The following ZC3H11A variants were observed in gnomAD, a reference collection of about 807,000 sequenced individuals.
ZC3H11A encodes the protein zinc finger CCCH domain-containing protein 11A.
In ZC3H11A, 22 loss-of-function variants were observed where a neutral mutation model predicts 90.8. That is an observed-to-expected ratio of 0.24 (90% CI 0.17 to 0.35). The LOEUF is 0.35. Among genes scored for constraint, ZC3H11A ranks in the 10% least tolerant of loss-of-function variants. ZC3H11A has a pLI of 1.00. For synonymous variants in ZC3H11A, 294 were observed against 339.8 expected (o/e 0.87, Z 1.48); for missense variants, 701 against 964.9 (o/e 0.73, Z 3.62).
At chr1:203,851,195 A>T in intron 17 of ZC3H11A, 71 bp downstream of exon 17, 1 of 1,338,290 alleles carries the variant, frequency 7.5e-7, no homozygotes, top group South Asian at 1.3e-5. Context: ...AGAGAATAAC[A>T]CTGATAAATA....
At chr1:203,826,325 A>C (rs34289296) in intron 4 of ZC3H11A, among the ~76,000 whole-genome samples, 16,779 of 151,298 alleles carry the variant, frequency 0.11, 1,167 homozygotes, top group Non-Finnish European at 0.15. Flanking sequence ...AAAATATTAT[A>C]CTTTTAGAAA....
chr1:203,837,290 C>A (rs368762388), intron 10 of ZC3H11A, among the ~76,000 whole-genome samples: 237 of 141,352 alleles, frequency 1.7e-3, no homozygotes, highest in Admixed American at 1.6e-3. Context: ...GATCCTGTCT[C>A]AAAAAAAAAA....
rs1039396945 is a variant in ZC3H11A at position 203,852,460 on chromosome 1, A to G, written c.*61A>G. 7 of 1,568,950 alleles carry G rather than the reference A, an allele frequency of 4.5e-6. No individual in the cohort carries two copies. Among genetic ancestry groups the G allele is most frequent in the South Asian group, 1.2e-5 (1 of 85,376 alleles). ...CAAAAAACTGGACTTAGTTTCATCT[A>G]TTGTAACATTTACCTGAGATGATCA... is the stretch of plus-strand genomic sequence containing the variant. On this transcript the variant is annotated 3_prime_UTR_variant, in exon 18 of 18. Transcript: ENST00000367210.
intron 1 of ZC3H11A, chr1:203,796,417 A>G: frequency 2.5e-6 from 1 of 399,088 alleles, no homozygotes; most frequent in Non-Finnish European, 4.4e-6. Flanking sequence ...CGTCGGAGTC[A>G]AGAGCAACAG....
intron 4 of ZC3H11A, among the ~76,000 whole-genome samples, chr1:203,819,331 C>T (rs1677608070): frequency 6.6e-6 from 1 of 150,520 alleles, no homozygotes; most frequent in Non-Finnish European, 1.5e-5. Flanking sequence ...AAGCGATTCT[C>T]CTGCCTCAGC....
At chr1:203,844,099 T>G (rs562515388) in intron 12 of ZC3H11A, among the ~76,000 whole-genome samples, 1 of 152,294 alleles carries the variant, frequency 6.6e-6, no homozygotes, top group African/African-American at 2.4e-5. Flanking sequence ...TCAGATGATC[T>G]GCCCACTTTG....
Position 203,853,449 on chromosome 1 carries a change from GTTTTC to G in ZC3H11A, c.*1058_*1062del, listed in dbSNP as rs1405562687. On this transcript the variant is annotated 3_prime_UTR_variant, in exon 18 of 18. Transcript: ENST00000367210. ...CCAGTTTTCTTCATTTCTGAATTGA[GTTTTC>G]TTTTCTTGATGTTGGTTTCCTTCAT... 3 of 152,536 alleles carry G rather than the reference GTTTTC, an allele frequency of 2.0e-5. No homozygotes were observed. Among genetic ancestry groups the G allele is most frequent in the South Asian group, 2.1e-4 (1 of 4,814 alleles). 9.4% of individuals were successfully genotyped at this position (152,536 alleles called of 1,614,324 possible).
intron 1 of ZC3H11A, chr1:203,799,477 T>C: frequency 1.4e-6 from 1 of 703,028 alleles, no homozygotes; most frequent in Admixed American, 2.0e-5. Flanking sequence ...ATTTCTACTT[T>C]TTATATGTTA....
chr1:203,798,441 C>A (rs947435131), intron 1 of ZC3H11A: 2 of 1,535,720 alleles, frequency 1.3e-6, no homozygotes, highest in African/African-American at 2.7e-5. Context: ...TTCAACACTT[C>A]AACGACACCT....
At chr1:203,798,881 C>T (rs1384035836) in intron 1 of ZC3H11A, 1 of 1,535,974 alleles carries the variant, frequency 6.5e-7, no homozygotes, top group African/African-American at 1.4e-5. Context: ...CTTACTTTTT[C>T]ACTAAGGCTG....
intron 14 of ZC3H11A, among the ~76,000 whole-genome samples, chr1:203,848,702 A>ACT (rs1424442915): frequency 2.0e-5 from 3 of 152,222 alleles, no homozygotes; most frequent in Non-Finnish European, 4.4e-5. Flanking sequence ...CCTGGCTAAC[A>ACT]CGGTGAAACC....
intron 4 of ZC3H11A, among the ~76,000 whole-genome samples, chr1:203,819,233 T>A (rs193227535): frequency 0.011 from 1,618 of 150,844 alleles, 21 homozygotes; most frequent in Non-Finnish European, 0.017. Context: ...TTTATTTTTT[T>A]TTTTTTGAAA....
chr1:203,827,124 A>T (rs1428770630), intron 4 of ZC3H11A, among the ~76,000 whole-genome samples: 1 of 152,138 alleles, frequency 6.6e-6, no homozygotes, highest in Non-Finnish European at 1.5e-5. Flanking sequence ...GCAATGGTTT[A>T]TTCCTTCTCA....
rs3881954 is a variant in ZC3H11A at position 203,852,909 on chromosome 1, A to G, written c.*510A>G. On this transcript the variant is annotated 3_prime_UTR_variant, in exon 18 of 18. Transcript: ENST00000367210. ...TTGTATGTCTTTTTAAAGGTATTTA[A>G]AGATTCAACTAAGCTTTAAAGAGGG... 2,623 of 165,524 alleles carry G rather than the reference A, an allele frequency of 0.016. 69 individuals carry two copies. Among genetic ancestry groups the G allele is most frequent in the African/African-American group, 0.055 (2,260 of 41,444 alleles). The allele number at this position is 165,524 out of a possible 1,614,324, so 10.3% of individuals were successfully genotyped here. A position where few individuals can be genotyped will look rare whatever the true frequency, so the allele number is the denominator to read the frequency against.
At chr1:203,829,948 G>C in intron 7 of ZC3H11A, 52 bp downstream of exon 7, 1 of 1,522,752 alleles carries the variant, frequency 6.6e-7, no homozygotes, top group Non-Finnish European at 9.1e-7. Context: ...AACTACCTTT[G>C]AAATTTAGTT....
intron 16 of ZC3H11A, 84 bp downstream of exon 16, chr1:203,850,765 T>G (rs1689067613): frequency 6.6e-7 from 1 of 1,518,090 alleles, no homozygotes; most frequent in African/African-American, 1.4e-5. Context: ...CATTCTATCT[T>G]GAGTATATCA....
At position 203,847,247 on chromosome 1, in the gene ZC3H11A, C is replaced by T; in HGVS notation, c.1106C>T (p.Ala369Val). The T allele has an allele frequency of 1.9e-6, 3 of 1,613,690 alleles. No homozygotes were observed. Among genetic ancestry groups the T allele is most frequent in the Non-Finnish European group, 2.5e-6 (3 of 1,179,814 alleles). ...TTAGAAGAAATTCTTCTTGAAAGAGCCAGTCAGAAACGTGGAGAATTGCAA... is the reference window on the plus strand; with the variant it reads ...TTAGAAGAAATTCTTCTTGAAAGAGTCAGTCAGAAACGTGGAGAATTGCAA... The part of the protein sequence containing the change: ...KTLEEILLER[A>V]SQKRGELQTK... The change falls in exon 13 of 18, where the codon GCC becomes GTC. Residue 369 changes from alanine (A) to valine (V), a missense_variant. Ala to Val is a moderately conservative substitution (Grantham distance 64, BLOSUM62 0). Coordinates refer to ENST00000367210, the MANE Select transcript of ZC3H11A (RefSeq NM_001376342.1).
At position 203,853,991 on chromosome 1, in the gene ZC3H11A, A is replaced by T. The variant is rs1165780906; in HGVS notation, c.*1592A>T. ...ATATTCTTTATTCTTTTGCTTTTTT[A>T]AAAAATAATTTTGTTTCATATTTAA... On this transcript the variant is annotated 3_prime_UTR_variant, in exon 18 of 18. Transcript: ENST00000367210. The T allele has an allele frequency of 1.3e-5, 2 of 152,654 alleles. No individual in the cohort carries two copies. The highest frequency in any genetic ancestry group is 6.5e-5 in the Admixed American group (1 of 15,284). 9.5% of individuals were successfully genotyped at this position (152,654 alleles called of 1,614,324 possible).
At chr1:203,820,277 G>C (rs1164288908) in intron 4 of ZC3H11A, among the ~76,000 whole-genome samples, 4 of 151,226 alleles carry the variant, frequency 2.6e-5, no homozygotes, top group African/African-American at 9.7e-5. Context: ...GTTGCACATA[G>C]TTGTCACGAC....
Sources: allele counts gnomAD v4.1 joint callset (sites outside exome capture counted in the v4.1 genomes callset), GRCh38; gene constraint gnomAD v4.1.1; transcripts MANE v1.5; gene names NCBI Gene and HGNC (gene_info 2026-07-23, HGNC 2026-07-21).